Variants in DYNC1I2 observed in about 807,000 individuals in gnomAD.
The protein encoded by DYNC1I2 is cytoplasmic dynein 1 intermediate chain 2.
Under a neutral mutation model 88.6 loss-of-function variants are expected in DYNC1I2, and 53 were observed. The ratio of observed to expected loss-of-function variants is 0.60; its 90% CI spans 0.48 to 0.75. The LOEUF (loss-of-function observed/expected upper bound fraction) is 0.75, where lower values mean the gene tolerates loss of function less well. Among genes scored for constraint, DYNC1I2 ranks in the 30% least tolerant of loss-of-function variants. DYNC1I2 has a pLI of 0.00. For synonymous variants in DYNC1I2, 198 were observed against 254.6 expected (o/e 0.78, Z 2.12); for missense variants, 458 against 766.6 (o/e 0.60, Z 4.75).
rs201120526 is a variant in DYNC1I2 at position 171,747,846 on chromosome 2, G to A, written c.1874G>A (p.Arg625Gln). Residue 625 changes from arginine to glutamine, a missense_variant, in exon 18 of 18, where the codon CGA becomes CAA. Physicochemically the swap from Arg to Gln is conservative, Grantham distance 43 (BLOSUM62 1). This residue lies in a region of DYNC1I2 where 188 missense variants were observed against 300.4 expected (regional missense o/e 0.63). Transcript: ENST00000397119. ...GRTLAEINAN[R>Q]ADAEEEAATR... The stretch of plus-strand genomic sequence containing the variant: ...ACACTTGCAGAAATTAATGCAAACC[G>A]AGCTGATGCAGAGGAGGAAGCAGCT... 90 of 1,611,148 alleles carry A rather than the reference G, an allele frequency of 5.6e-5. No homozygotes were observed. The highest frequency in any genetic ancestry group is 2.8e-4 in the African/African-American group (21 of 74,858).
intron 3 of DYNC1I2, among the ~76,000 whole-genome samples, chr2:171,699,912 G>GT (rs1574518660): frequency 6.6e-6 from 1 of 151,898 alleles, no homozygotes; most frequent in South Asian, 2.1e-4. Context: ...AACTGCTCAA[G>GT]TTTTTTTAAT....
intron 3 of DYNC1I2, among the ~76,000 whole-genome samples, chr2:171,698,938 A>G (rs548041636): frequency 3.9e-5 from 6 of 151,900 alleles, no homozygotes; most frequent in East Asian, 3.9e-4. Context: ...AGCTCAAGCA[A>G]TCCACCCACC....
In DYNC1I2 at chr2:171,729,700, T is replaced by C. The variant is rs370321396; in HGVS notation, c.1392-9T>C. The C allele has an allele frequency of 6.5e-5, 105 of 1,611,858 alleles. No individual in the cohort carries two copies. The highest frequency in any genetic ancestry group is 2.1e-4 in the Middle Eastern group (1 of 4,736). On this transcript the variant is annotated splice_polypyrimidine_tract_variant and intron_variant, in intron 14 of 17. Transcript: ENST00000397119. Reference sequence around the variant, plus strand: ...GACTTCTCTAACATTTTCACTTTTATGAAATTAGCAAAGCTGGAATCAGTG... The same window carrying C: ...GACTTCTCTAACATTTTCACTTTTACGAAATTAGCAAAGCTGGAATCAGTG...
At chr2:171,696,707 G>A (rs1038933644) in intron 3 of DYNC1I2, among the ~76,000 whole-genome samples, 29 of 152,136 alleles carry the variant, frequency 1.9e-4, no homozygotes, top group Admixed American at 1.4e-3. Flanking sequence ...ACTGAAGTCC[G>A]ATGCCAACTT....
At chr2:171,722,540 T>TTA (rs1687970009) in intron 7 of DYNC1I2, among the ~76,000 whole-genome samples, 1 of 152,134 alleles carries the variant, frequency 6.6e-6, no homozygotes, top group South Asian at 2.1e-4. Context: ...TAAATATAGC[T>TTA]TATCATGTAA....
intron 2 of DYNC1I2, among the ~76,000 whole-genome samples, chr2:171,692,421 C>A (rs978785544): frequency 6.6e-6 from 1 of 151,934 alleles, no homozygotes; most frequent in Admixed American, 6.6e-5. Flanking sequence ...TGTATCTAAC[C>A]TTTTGTGCCA....
In DYNC1I2 at chr2:171,725,966, T is replaced by C; in HGVS notation, c.655T>C (p.Ser219Pro). ...TEEEKQQILH[S>P]EEFLSFFDHS... is the part of the protein sequence containing the mutation. ...AGAAGAAAAGCAACAAATCTTGCAC[T>C]CTGAGGAATTTTTAAGTTTCTTTGA... The change falls in exon 9 of 18, where the codon TCT (serine) becomes CCT (proline). Residue 219 changes from serine to proline, a missense_variant. By Grantham distance (74) the Ser-to-Pro change is moderately conservative. Coordinates refer to ENST00000397119, the MANE Select transcript of DYNC1I2 (RefSeq NM_001378.3). 6.3e-7 allele frequency: 1 copy of C among 1,592,274 alleles called. No homozygotes were observed. Among genetic ancestry groups the C allele is most frequent in the Non-Finnish European group, 8.5e-7 (1 of 1,174,214 alleles).
At chr2:171,742,976 C>G (rs1400989568) in intron 15 of DYNC1I2, among the ~76,000 whole-genome samples, 1 of 152,096 alleles carries the variant, frequency 6.6e-6, no homozygotes, top group Non-Finnish European at 1.5e-5. Flanking sequence ...TACAGTTGAC[C>G]CTTGAATAAT....
In DYNC1I2 at chr2:171,725,603, T is replaced by TTGG; in HGVS notation, c.512-14_512-13insGGT. The TTGG allele has an allele frequency of 7.2e-7, 1 of 1,380,646 alleles. No individual in the cohort carries two copies. The highest frequency in any genetic ancestry group is 9.6e-7 in the Non-Finnish European group (1 of 1,042,120). The allele number at this position is 1,380,646 out of a possible 1,614,324, so 85.5% of individuals were successfully genotyped here. A position where few individuals can be genotyped will look rare whatever the true frequency, so the allele number is the denominator to read the frequency against. On this transcript the variant is annotated splice_polypyrimidine_tract_variant and intron_variant, in intron 7 of 17. Coordinates refer to ENST00000397119, the MANE Select transcript of DYNC1I2 (RefSeq NM_001378.3). The stretch of plus-strand genomic sequence containing the variant: ...GTTTTTTTGTTTTTTTGTTTGTTTT[T>TTGG]TTTTTTTTTTTCAGATGAAGAGGAA...
chr2:171,706,173 A>G (rs1314647615), intron 3 of DYNC1I2, among the ~76,000 whole-genome samples: 4 of 152,174 alleles, frequency 2.6e-5, no homozygotes, highest in Non-Finnish European at 4.4e-5. Context: ...CTATATAACT[A>G]GGAACTTGCC....
intron 15 of DYNC1I2, among the ~76,000 whole-genome samples, chr2:171,730,378 T>G (rs1465947924): frequency 1.3e-5 from 2 of 152,204 alleles, no homozygotes; most frequent in African/African-American, 4.8e-5. Context: ...ATGCATATAT[T>G]TTTTGTTATT....
chr2:171,714,368 G>T (rs1355635890), intron 6 of DYNC1I2, among the ~76,000 whole-genome samples: 2 of 151,928 alleles, frequency 1.3e-5, no homozygotes, highest in East Asian at 1.9e-4. Flanking sequence ...GAACTGAAAA[G>T]AATATTTATA....
At chr2:171,703,548 T>C (rs1465995668) in intron 3 of DYNC1I2, among the ~76,000 whole-genome samples, 2 of 152,172 alleles carry the variant, frequency 1.3e-5, no homozygotes, top group East Asian at 3.8e-4. Flanking sequence ...TTTTCACTTA[T>C]TAATTTCTTT....
intron 3 of DYNC1I2, among the ~76,000 whole-genome samples, chr2:171,703,791 C>T (rs770297897): frequency 1.3e-5 from 2 of 152,102 alleles, no homozygotes; most frequent in Non-Finnish European, 2.9e-5. Flanking sequence ...GGGCTAAGAA[C>T]ACTTGTGTCC....
At chr2:171,690,550 A>G (rs1230738305) in intron 2 of DYNC1I2, among the ~76,000 whole-genome samples, 7 of 152,202 alleles carry the variant, frequency 4.6e-5, no homozygotes, top group South Asian at 2.1e-4. Context: ...GTATAGATTG[A>G]TGCATTTCTA....
intron 15 of DYNC1I2, among the ~76,000 whole-genome samples, chr2:171,732,763 A>G (rs1688710101): frequency 6.6e-6 from 1 of 152,190 alleles, no homozygotes; most frequent in African/African-American, 2.4e-5. Flanking sequence ...AGATTTTTAG[A>G]TGTGCTTTCA....
At chr2:171,716,976 A>G (rs1687541527) in intron 7 of DYNC1I2, among the ~76,000 whole-genome samples, 1 of 152,006 alleles carries the variant, frequency 6.6e-6, no homozygotes, top group African/African-American at 2.4e-5. Flanking sequence ...CATCACAGAC[A>G]CTTTTAACTA....
At chr2:171,707,430 A>G in intron 5 of DYNC1I2, 53 bp downstream of exon 5, 1 of 1,497,720 alleles carries the variant, frequency 6.7e-7, no homozygotes, top group Non-Finnish European at 9.1e-7. Context: ...TCAGTGCCCA[A>G]ATACTGTTGA....
intron 3 of DYNC1I2, among the ~76,000 whole-genome samples, chr2:171,694,284 C>G (rs1044970311): frequency 6.6e-6 from 1 of 150,432 alleles, no homozygotes; most frequent in African/African-American, 2.5e-5. Flanking sequence ...ATCCACCCAC[C>G]CCTAAAGTGT....
Sources: allele counts gnomAD v4.1 joint callset (sites outside exome capture counted in the v4.1 genomes callset), GRCh38; gene constraint gnomAD v4.1.1; regional missense constraint gnomAD v4.1.1; transcripts MANE v1.5; gene names NCBI Gene and HGNC (gene_info 2026-07-23, HGNC 2026-07-21).